KANK1: variants seen among roughly 807,000 people sequenced by gnomAD.
The protein encoded by KANK1 is KN motif and ankyrin repeat domain-containing protein 1.
A neutral mutation model predicts 106.2 loss-of-function variants in KANK1; 109 were observed. The ratio of observed to expected loss-of-function variants is 1.03; its 90% CI spans 0.88 to 1.20. The LOEUF is 1.20. Ranked by LOEUF, KANK1 falls within the 50% of genes most tolerant of loss-of-function variation. KANK1 has a pLI of 0.00. For synonymous variants in KANK1, 873 were observed against 652.2 expected, an observed-to-expected ratio of 1.34 and a Z score of -5.16; for missense variants, 2,399 against 1,710.7, an observed-to-expected ratio of 1.40 and a Z score of -7.10.
chr9:588,946 C>T (rs1003214739), intron 1 of KANK1, among the ~76,000 whole-genome samples: 1 of 152,162 alleles, frequency 6.6e-6, no homozygotes, highest in African/African-American at 2.4e-5. Flanking sequence ...CAAGGTTATA[C>T]TTGTTTTTGA....
chr9:604,280 T>C (rs904869743), intron 1 of KANK1, among the ~76,000 whole-genome samples: 2 of 151,760 alleles, frequency 1.3e-5, no homozygotes, highest in Admixed American at 6.6e-5. Flanking sequence ...ACTGGTGATG[T>C]GGTTTGGCTG....
intron 1 of KANK1, among the ~76,000 whole-genome samples, chr9:652,092 G>A (rs376119842): frequency 7.2e-4 from 110 of 152,224 alleles, no homozygotes; most frequent in Non-Finnish European, 1.2e-3. Flanking sequence ...CCATTAGAAT[G>A]TGTAGGCCCT....
chr9:561,882 G>C (rs1382344059), intron 1 of KANK1, among the ~76,000 whole-genome samples: 1 of 152,176 alleles, frequency 6.6e-6, no homozygotes, highest in South Asian at 2.1e-4. Context: ...TATTCAGAAA[G>C]CACTGTAGAA....
chr9:557,882 G>C (rs1815262394), intron 1 of KANK1, among the ~76,000 whole-genome samples: 1 of 152,208 alleles, frequency 6.6e-6, no homozygotes, highest in South Asian at 2.1e-4. Flanking sequence ...GCACACGCCT[G>C]TGGTCTCAGC....
In KANK1 at chr9:713,028, G is replaced by A. The variant is rs759605933; in HGVS notation, c.2262G>A (p.Val754=). 6.2e-7 allele frequency: 1 copy of A among 1,614,174 alleles called. No individual in the cohort carries two copies. The highest frequency in any genetic ancestry group is 8.5e-7 in the Non-Finnish European group (1 of 1,180,020). ...CTGGGTTTGACAGGCCATCAGCTGT[G>A]AAGACCAAAGAGTCAGGTGTGGGGC... ...GHSGFDRPSA[V]KTKESGVGQI... The change falls in exon 3 of 12, where the codon GTG becomes GTA. Residue 754 remains valine (V), a synonymous_variant. Transcript: ENST00000382297.
chr9:502,920 G>C (rs117739286), upstream of KANK1, among the ~76,000 whole-genome samples: 527 of 151,600 alleles, frequency 3.5e-3, 14 homozygotes, highest in East Asian at 0.086. Flanking sequence ...CTGCCGCCTC[G>C]ACCTCCAGGG....
chr9:486,941 G>T (rs922580277), intron 3 of KANK1, among the ~76,000 whole-genome samples: 1 of 152,054 alleles, frequency 6.6e-6, no homozygotes, highest in South Asian at 2.1e-4. Flanking sequence ...CTAGATGACT[G>T]CTCTGCTTTA....
At chr9:744,654 C>T (rs1836724298) in intron 11 of KANK1, 65 bp downstream of exon 11, 1 of 1,613,396 alleles carries the variant, frequency 6.2e-7, no homozygotes, top group African/African-American at 1.3e-5. Context: ...GACCCCCTTC[C>T]TCCAGGAATT....
chr9:652,512 A>G (rs1390466593), intron 1 of KANK1, among the ~76,000 whole-genome samples: 1 of 152,182 alleles, frequency 6.6e-6, no homozygotes, highest in Non-Finnish European at 1.5e-5. Flanking sequence ...GACAAGAGCG[A>G]AACTGTGTCT....
intron 1 of KANK1, among the ~76,000 whole-genome samples, chr9:601,715 A>G (rs371712007): frequency 8.6e-5 from 13 of 151,768 alleles, no homozygotes; most frequent in African/African-American, 2.9e-4. Context: ...GGCCACTGGG[A>G]GCTCCTTCAG....
intron 1 of KANK1, among the ~76,000 whole-genome samples, chr9:641,302 A>G (rs186682723): frequency 1.7e-4 from 26 of 152,348 alleles, no homozygotes; most frequent in Admixed American, 1.5e-3. Flanking sequence ...CAGATAAACA[A>G]ATAAAAGTCT....
chr9:633,058 A>G (rs762847844), intron 1 of KANK1, among the ~76,000 whole-genome samples: 20 of 152,028 alleles, frequency 1.3e-4, no homozygotes, highest in Non-Finnish European at 2.8e-4. Context: ...TCCACATCTT[A>G]TGAGGTTTCC....
intron 1 of KANK1, among the ~76,000 whole-genome samples, chr9:510,680 C>G (rs1315386587): frequency 2.6e-5 from 4 of 152,170 alleles, no homozygotes; most frequent in East Asian, 1.9e-4. Flanking sequence ...TATTCTTTTT[C>G]TGGAAGATAC....
chr9:595,756 A>T (rs2641996), intron 1 of KANK1, among the ~76,000 whole-genome samples: 7 of 151,656 alleles, frequency 4.6e-5, no homozygotes, highest in East Asian at 1.9e-4. Flanking sequence ...TCCTGGACTC[A>T]GGTGATCCTC....
At chr9:554,540 C>G (rs1174660885) in intron 1 of KANK1, among the ~76,000 whole-genome samples, 2 of 152,172 alleles carry the variant, frequency 1.3e-5, no homozygotes, top group Non-Finnish European at 2.9e-5. Context: ...GCAAATCGGA[C>G]TGATTTTCAG....
chr9:586,986 C>A (rs1017176576), intron 1 of KANK1, among the ~76,000 whole-genome samples: 10 of 152,146 alleles, frequency 6.6e-5, no homozygotes, highest in African/African-American at 2.2e-4. Context: ...CATTACATTT[C>A]CCTCAAAAAC....
intron 1 of KANK1, among the ~76,000 whole-genome samples, chr9:511,197 G>C (rs995614184): frequency 2.0e-5 from 3 of 152,176 alleles, no homozygotes; most frequent in Non-Finnish European, 4.4e-5. Context: ...GTGTATGGGT[G>C]GGAATTAGAG....
At chr9:654,888 G>T (rs1464085328) in intron 1 of KANK1, among the ~76,000 whole-genome samples, 1 of 151,930 alleles carries the variant, frequency 6.6e-6, no homozygotes, top group African/African-American at 2.4e-5. Flanking sequence ...TTTCTGCCAA[G>T]TTCAAGTTCC....
intron 2 of KANK1, among the ~76,000 whole-genome samples, chr9:688,283 TCTCC>T (rs2139351160): frequency 6.6e-6 from 1 of 152,306 alleles, no homozygotes; most frequent in South Asian, 2.1e-4. Context: ...ATCTGCTTTC[TCTCC>T]CTCACTTGCT....
Sources: allele counts gnomAD v4.1 joint callset (sites outside exome capture counted in the v4.1 genomes callset), GRCh38; gene constraint gnomAD v4.1.1; transcripts MANE v1.5; gene names NCBI Gene and HGNC (gene_info 2026-07-23, HGNC 2026-07-21).